Variants in TRHDE observed in about 807,000 individuals in gnomAD.
The protein encoded by TRHDE is thyrotropin releasing hormone degrading enzyme.
TRHDE carries 72 observed loss-of-function variants against 125.7 expected under a neutral mutation model. That is an observed-to-expected ratio of 0.57 (90% confidence interval 0.47 to 0.70). The LOEUF (loss-of-function observed/expected upper bound fraction) is 0.70, where lower values mean the gene tolerates loss of function less well. TRHDE is among the 30% of genes least tolerant of loss of function. The pLI is 0.00. For missense variants in TRHDE, 1,110 were observed against 1,327.1 expected, an observed-to-expected ratio of 0.84 and a Z score of 2.54; for synonymous variants, 509 against 509.1, an observed-to-expected ratio of 1.00 and a Z score of 0.00.
At chr12:72,555,529 A>G (rs987854104) in intron 7 of TRHDE, among the ~76,000 whole-genome samples, 1 of 152,176 alleles carries the variant, frequency 6.6e-6, no homozygotes, top group African/African-American at 2.4e-5. Context: ...AAATATAAAC[A>G]TTATTTTTTA....
chr12:72,109,534 G>C (rs756853435), intron 2 of TRHDE, among the ~76,000 whole-genome samples: 1 of 152,082 alleles, frequency 6.6e-6, no homozygotes, highest in Non-Finnish European at 1.5e-5. Context: ...GGCTCCTACT[G>C]TTTCCGACTG....
At chr12:72,642,874 A>G (rs1398050411) in intron 15 of TRHDE, among the ~76,000 whole-genome samples, 4 of 152,072 alleles carry the variant, frequency 2.6e-5, no homozygotes, top group East Asian at 1.9e-4. Context: ...ACAAATGGGC[A>G]TTTTCATTTG....
chr12:72,249,737 G>T (rs544619866), intron 2 of TRHDE, among the ~76,000 whole-genome samples: 19 of 152,206 alleles, frequency 1.2e-4, no homozygotes, highest in African/African-American at 4.3e-4. Context: ...TATTTATAAA[G>T]TGTATATTAA....
intron 13 of TRHDE, among the ~76,000 whole-genome samples, chr12:72,620,706 T>A (rs1873016636): frequency 6.6e-6 from 1 of 152,166 alleles, no homozygotes; most frequent in Admixed American, 6.6e-5. Context: ...TTGCATTAAA[T>A]ATGCCTTGTT....
At chr12:72,238,323 CATATATAT>C (rs1234151305) in intron 2 of TRHDE, among the ~76,000 whole-genome samples, 444 of 13,668 alleles carry the variant, frequency 0.032, 53 homozygotes, top group African/African-American at 0.074. Context: ...TATATATATA[CATATATAT>C]ATACACATTA....
chr12:72,214,781 A>C (rs903632723), intron 2 of TRHDE, among the ~76,000 whole-genome samples: 1 of 152,210 alleles, frequency 6.6e-6, no homozygotes, highest in African/African-American at 2.4e-5. Context: ...ATCCATATTT[A>C]ATTATACTTT....
chr12:72,399,043 G>C (rs1376443086), intron 3 of TRHDE, among the ~76,000 whole-genome samples: 1 of 152,204 alleles, frequency 6.6e-6, no homozygotes, highest in East Asian at 1.9e-4. Context: ...GGTGGCACTA[G>C]ATTCTCATAG....
chr12:72,377,771 T>G (rs1161635782), intron 2 of TRHDE, among the ~76,000 whole-genome samples: 1 of 152,194 alleles, frequency 6.6e-6, no homozygotes, highest in African/African-American at 2.4e-5. Flanking sequence ...AATGTCATCT[T>G]GTAAAGCGAG....
intron 18 of TRHDE, among the ~76,000 whole-genome samples, chr12:72,657,522 C>T (rs1222592037): frequency 2.0e-5 from 3 of 152,150 alleles, no homozygotes; most frequent in Non-Finnish European, 4.4e-5. Flanking sequence ...AGGAGCATAT[C>T]TGGTAATACA....
intron 15 of TRHDE, among the ~76,000 whole-genome samples, chr12:72,627,548 T>C (rs1008814956): frequency 6.6e-6 from 1 of 151,844 alleles, no homozygotes; most frequent in Non-Finnish European, 1.5e-5. Context: ...ATTTTCAATT[T>C]ATTCCTTCAT....
At chr12:72,555,178 T>C (rs1869858178) in intron 7 of TRHDE, among the ~76,000 whole-genome samples, 1 of 152,204 alleles carries the variant, frequency 6.6e-6, no homozygotes, top group Non-Finnish European at 1.5e-5. Context: ...TAAAATGCCT[T>C]TTTTGTTCCT....
intron 3 of TRHDE, among the ~76,000 whole-genome samples, chr12:72,411,451 T>A (rs1006642755): frequency 1.3e-4 from 20 of 151,998 alleles, no homozygotes; most frequent in Non-Finnish European, 2.5e-4. Context: ...TGTATAAGAA[T>A]TCTGTGGAAA....
At chr12:72,564,580 G>C (rs1161606547) in intron 9 of TRHDE, among the ~76,000 whole-genome samples, 2 of 150,286 alleles carry the variant, frequency 1.3e-5, no homozygotes, top group Admixed American at 1.3e-4. Flanking sequence ...TTTCTCCAAG[G>C]CTGTATAAGC....
intron 2 of TRHDE, among the ~76,000 whole-genome samples, chr12:72,209,664 T>C (rs986894291): frequency 6.6e-6 from 1 of 152,196 alleles, no homozygotes; most frequent in East Asian, 1.9e-4. Flanking sequence ...TCTTGCTACA[T>C]TAAAATAGGG....
intron 2 of TRHDE, among the ~76,000 whole-genome samples, chr12:72,306,978 T>C (rs776955136): frequency 6.6e-6 from 1 of 152,136 alleles, no homozygotes; most frequent in Non-Finnish European, 1.5e-5. Context: ...ATGCCTAGAA[T>C]GTTTCAGGTG....
rs537155582 is a variant in TRHDE at position 72,107,351 on chromosome 12, A to G, written n.279+1599A>G. Among the ~76,000 whole-genome samples the G allele has an allele frequency of 3.3e-5, 5 of 152,256 alleles. No individual in the cohort carries two copies. The South Asian group carries it at 8.3e-4, about 25-fold the overall frequency. On this transcript the variant is annotated intron_variant and non_coding_transcript_variant, in intron 2 of 4. Transcript: ENST00000548156. ...CTCACTGATAGAAATCTGGTATCAT[A>G]AAGTCTTTGGTACCAATGGGGTTTA... is the stretch of plus-strand genomic sequence containing the variant.
intron 2 of TRHDE, among the ~76,000 whole-genome samples, chr12:72,376,321 T>C (rs1401200972): frequency 6.6e-6 from 1 of 152,198 alleles, no homozygotes; most frequent in Non-Finnish European, 1.5e-5. Flanking sequence ...ATTAAATCAC[T>C]TGTACATTCA....
intron 2 of TRHDE, among the ~76,000 whole-genome samples, chr12:72,310,510 T>C (rs1442740364): frequency 6.6e-6 from 1 of 152,066 alleles, no homozygotes; most frequent in Non-Finnish European, 1.5e-5. Context: ...AATGTATTAA[T>C]TGCATTTCAG....
At chr12:72,099,840 A>G (rs964746424) in intron 1 of TRHDE, among the ~76,000 whole-genome samples, 3 of 152,338 alleles carry the variant, frequency 2.0e-5, no homozygotes, top group South Asian at 2.1e-4. Flanking sequence ...ACCATTCAGT[A>G]GCTATCATTT....
Sources: gnomAD v4.1 joint callset for allele counts (sites outside exome capture counted in the v4.1 genomes callset) on GRCh38, gnomAD v4.1.1 for gene constraint, MANE v1.5 for transcripts, NCBI Gene and HGNC (gene_info 2026-07-23, HGNC 2026-07-21) for gene names.